The following ZGRF1 variants were observed in gnomAD, a reference collection of about 807,000 sequenced individuals.
ZGRF1 encodes 5'-3' DNA helicase ZGRF1.
In ZGRF1, 196 loss-of-function variants were observed where a neutral mutation model predicts 203.5. The ratio of observed to expected loss-of-function variants is 0.96; its 90% CI spans 0.86 to 1.08. The LOEUF is 1.08. Ranked by LOEUF, ZGRF1 falls within the 50% of genes least tolerant of loss-of-function variation. The pLI, the probability that ZGRF1 is intolerant of heterozygous loss-of-function variation, is 0.00. For missense variants in ZGRF1, 2,326 were observed against 2,416.3 expected, an observed-to-expected ratio of 0.96 and a Z score of 0.78; for synonymous variants, 809 against 841.3, an observed-to-expected ratio of 0.96 and a Z score of 0.66.
intron 24 of ZGRF1, among the ~76,000 whole-genome samples, chr4:112,543,650 T>G (rs953882625): frequency 2.6e-5 from 4 of 152,182 alleles, no homozygotes; most frequent in Non-Finnish European, 5.9e-5. Flanking sequence ...GAAAATGTTA[T>G]GTATTTGCTT....
chr4:112,585,773 T>A, intron 13 of ZGRF1, 48 bp from the exon 14 acceptor site: 1 of 1,437,980 alleles, frequency 7.0e-7, no homozygotes, highest in South Asian at 1.4e-5. Context: ...CAAAATAATT[T>A]TGTTTGTATC....
intron 6 of ZGRF1, among the ~76,000 whole-genome samples, chr4:112,614,662 T>TA (rs998252372): frequency 3.0e-4 from 46 of 150,870 alleles, no homozygotes; most frequent in African/African-American, 6.1e-4. Context: ...CCGTCTCTAA[T>TA]AAAAAAAAAC....
At position 112,591,910 on chromosome 4, in the gene ZGRF1, T is replaced by C. The variant is rs533190084; in HGVS notation, c.2977-2036A>G. Among the ~76,000 whole-genome samples the C allele has an allele frequency of 3.3e-5, 5 of 152,240 alleles. No homozygotes were observed. In the East Asian group the frequency reaches 9.7e-4, roughly 29 times the overall value. The stretch of plus-strand genomic sequence containing the variant: ...TATTTTCTGTCTCCTTTAACTAGAA[T>C]GTAAGTTCTATGAGGGAAAGATCAT... On this transcript the variant is annotated intron_variant, in intron 10 of 27. Coordinates refer to ENST00000505019, the MANE Select transcript of ZGRF1 (RefSeq NM_018392.5).
intron 6 of ZGRF1, among the ~76,000 whole-genome samples, chr4:112,614,123 A>T (rs1397102354): frequency 6.6e-6 from 1 of 151,834 alleles, no homozygotes; most frequent in Non-Finnish European, 1.5e-5. Flanking sequence ...ACACTTTCGC[A>T]CATTCTAAAT....
At chr4:112,547,480 G>T (rs1180106442) in intron 23 of ZGRF1, 72 bp from the exon 24 acceptor site, 2 of 1,392,500 alleles carry the variant, frequency 1.4e-6, no homozygotes, top group Non-Finnish European at 2.0e-6. Flanking sequence ...TGCACTGTTT[G>T]CCAAAATTGC....
intron 22 of ZGRF1, among the ~76,000 whole-genome samples, chr4:112,551,382 T>C (rs1004347893): frequency 1.4e-4 from 21 of 152,210 alleles, no homozygotes; most frequent in Admixed American, 1.2e-3. Flanking sequence ...AATCTGAAGA[T>C]CTATAAAATT....
intron 20 of ZGRF1, among the ~76,000 whole-genome samples, chr4:112,555,181 C>T (rs1740712428): frequency 1.3e-5 from 2 of 152,210 alleles, no homozygotes; most frequent in South Asian, 4.1e-4. Context: ...ATGATATCTA[C>T]TCTTAGAGAT....
intron 22 of ZGRF1, among the ~76,000 whole-genome samples, chr4:112,550,399 TTG>T (rs893092075): frequency 3.9e-5 from 6 of 151,926 alleles, no homozygotes; most frequent in African/African-American, 1.4e-4. Context: ...TACAAAATGT[TTG>T]TGTTTTAAGC....
chr4:112,569,234 A>T (rs906256288), intron 16 of ZGRF1, among the ~76,000 whole-genome samples: 7 of 152,224 alleles, frequency 4.6e-5, no homozygotes, highest in African/African-American at 1.7e-4. Context: ...GTGTTTCAAG[A>T]TTTAGACTAG....
rs748454669 is a variant in ZGRF1, at chr4:112,619,616, C to T, written c.426G>A (p.Glu142=). The T allele has an allele frequency of 6.2e-7, 1 of 1,613,924 alleles. No individual in the cohort carries two copies. The highest frequency in any genetic ancestry group is 8.5e-7 in the Non-Finnish European group (1 of 1,179,934). Residue 142 remains glutamate, a synonymous_variant, in exon 6 of 28, where the codon GAG becomes GAA. Coordinates refer to ENST00000505019, the MANE Select transcript of ZGRF1 (RefSeq NM_018392.5). The stretch of plus-strand genomic sequence containing the variant: ...AAATAGTAGGGCCAGTTTTCTTAGC[C>T]TCATGTGATGCAGCTGATTCACCAC... ...MESGESAASH[E]AKKTGPTIFS... is the part of the protein sequence containing the mutation.
In ZGRF1 at chr4:112,617,918, AT is replaced by A. The variant is rs1370369120; in HGVS notation, c.2123del (p.Asp708ValfsTer13). 6.2e-7 allele frequency: 1 copy of A among 1,613,768 alleles called. No homozygotes were observed. The highest frequency in any genetic ancestry group is 8.5e-7 in the Non-Finnish European group (1 of 1,179,946). On this transcript the variant is annotated frameshift_variant, in exon 6 of 28. Coordinates refer to ENST00000505019, the MANE Select transcript of ZGRF1 (RefSeq NM_018392.5). LOFTEE classifies it high-confidence loss of function. The stretch of plus-strand genomic sequence containing the variant: ...CCAAAATAAAAGGCTGAGGTTGAGC[AT>A]CTTCTGAAAATAGATTACTGTTTTC... ...IAENSNLFSE[D>X]AQPQPFILGS...
At chr4:112,622,097 C>T (rs2047080810) in intron 4 of ZGRF1, among the ~76,000 whole-genome samples, 1 of 152,104 alleles carries the variant, frequency 6.6e-6, no homozygotes, top group South Asian at 2.1e-4. Context: ...TACTGATTCT[C>T]CTAGACCCTT....
chr4:112,596,593 ATTT>A (rs200855606), intron 10 of ZGRF1, among the ~76,000 whole-genome samples: 33 of 147,926 alleles, frequency 2.2e-4, no homozygotes, highest in African/African-American at 6.9e-4. Flanking sequence ...GAATATCAGG[ATTT>A]TTTTTTTTGT....
chr4:112,540,099 T>TTCC lies in ZGRF1; in HGVS notation c.5935_5936insGGA (p.Asp1979delinsGlyAsn). The TTCC allele has an allele frequency of 1.3e-6, 2 of 1,583,976 alleles. No homozygotes were observed. Among genetic ancestry groups the TTCC allele is most frequent in the Non-Finnish European group, 1.7e-6 (2 of 1,162,862 alleles). On this transcript the variant is annotated protein_altering_variant, in exon 27 of 28. Coordinates refer to ENST00000505019, the MANE Select transcript of ZGRF1 (RefSeq NM_018392.5). Reference sequence around the variant, plus strand: ...AGTTTTAATATCAGGATGGTGAAAGTCCACAGCACTGAGTAAATGACAAAG... The same window carrying TTCC: ...AGTTTTAATATCAGGATGGTGAAAGTTCCCCACAGCACTGAGTAAATGACAAAG...
In ZGRF1 at chr4:112,579,118, T is replaced by C. The variant is rs1745755455; in HGVS notation, c.4438+2545A>G. Among the ~76,000 whole-genome samples, 2 of 122,736 alleles carry C rather than the reference T, an allele frequency of 1.6e-5. 1 individual carries two copies. Among genetic ancestry groups the C allele is most frequent in the African/African-American group, 5.7e-5 (2 of 35,318 alleles). The allele number at this position is 122,736 out of a possible 152,430, so 80.5% of individuals were successfully genotyped here. A position where few individuals can be genotyped will look rare whatever the true frequency, so the allele number is the denominator to read the frequency against. On this transcript the variant is annotated intron_variant, in intron 16 of 27. Transcript: ENST00000505019. Reference sequence around the variant, plus strand: ...CCTGGGATGCAAGGCTGGTTCAACATATGCAAATCAATAAACATAATCCAG... The same window carrying C: ...CCTGGGATGCAAGGCTGGTTCAACACATGCAAATCAATAAACATAATCCAG...
rs115136324 is a variant in ZGRF1 at position 112,597,528 on chromosome 4, A to C, written c.2976+5996T>G. On this transcript the variant is annotated intron_variant, in intron 10 of 27. Coordinates refer to ENST00000505019, the MANE Select transcript of ZGRF1 (RefSeq NM_018392.5). ...AAGAGAGTGAGACCTTGTCTCTAATAATAATAATAATAGTAATAGTAATAA... is the reference window on the plus strand; with the variant it reads ...AAGAGAGTGAGACCTTGTCTCTAATCATAATAATAATAGTAATAGTAATAA... Among the ~76,000 whole-genome samples the C allele has an allele frequency of 9.4e-3, 1,434 of 151,920 alleles. 25 individuals carry two copies. Among genetic ancestry groups the C allele is most frequent in the African/African-American group, 0.033 (1,356 of 41,402 alleles).
chr4:112,558,792 C>T (rs1741417969), intron 19 of ZGRF1, among the ~76,000 whole-genome samples: 1 of 152,188 alleles, frequency 6.6e-6, no homozygotes, highest in African/African-American at 2.4e-5. Flanking sequence ...AACCAAAATA[C>T]TTCCACTTTT....
intron 16 of ZGRF1, among the ~76,000 whole-genome samples, chr4:112,576,347 T>C (rs1362099972): frequency 1.3e-5 from 2 of 152,084 alleles, no homozygotes; most frequent in East Asian, 3.9e-4. Flanking sequence ...GCAGAAAAAC[T>C]GGAAACTCTA....
intron 24 of ZGRF1, among the ~76,000 whole-genome samples, chr4:112,545,236 T>G (rs1409949002): frequency 2.0e-5 from 3 of 151,334 alleles, no homozygotes; most frequent in Admixed American, 2.0e-4. Context: ...GTAAATCATA[T>G]ATTTGAAAAA....
Sources: gnomAD v4.1 joint callset for allele counts (sites outside exome capture counted in the v4.1 genomes callset) on GRCh38, gnomAD v4.1.1 for gene constraint, MANE v1.5 for transcripts, NCBI Gene and HGNC (gene_info 2026-07-23, HGNC 2026-07-21) for gene names.